Variants in PTPRM observed in about 807,000 individuals in gnomAD.
PTPRM encodes receptor-type tyrosine-protein phosphatase mu.
A neutral mutation model predicts 186.7 loss-of-function variants in PTPRM; 47 were observed. That is an observed-to-expected ratio of 0.25 (90% CI 0.20 to 0.32). PTPRM has a LOEUF of 0.32. PTPRM is among the 10% of genes least tolerant of loss of function. PTPRM has a pLI of 1.00. For synonymous variants in PTPRM, 668 were observed against 674.9 expected, an observed-to-expected ratio of 0.99 and a Z score of 0.16; for missense variants, 1,494 against 1,865.0, an observed-to-expected ratio of 0.80 and a Z score of 3.66.
intron 2 of PTPRM, among the ~76,000 whole-genome samples, chr18:7,796,818 T>G (rs1305842317): frequency 6.6e-6 from 1 of 152,228 alleles, no homozygotes; most frequent in Admixed American, 6.5e-5. Flanking sequence ...CTTTGTCCAG[T>G]GGTGCACTGA....
intron 20 of PTPRM, among the ~76,000 whole-genome samples, chr18:8,304,823 T>TTA (rs1491079830): frequency 2.5e-3 from 4 of 1,596 alleles, no homozygotes; most frequent in African/African-American, 3.9e-3. Context: ...TTGACTTTAT[T>TTA]TTTTTTTTTT....
At chr18:7,807,961 T>C (rs1276826403) in intron 2 of PTPRM, among the ~76,000 whole-genome samples, 1 of 152,154 alleles carries the variant, frequency 6.6e-6, no homozygotes, top group Non-Finnish European at 1.5e-5. Flanking sequence ...GATTCGTGGC[T>C]CTTTTTTTCT....
At chr18:8,091,019 CCTCA>C (rs1349836029) in intron 11 of PTPRM, among the ~76,000 whole-genome samples, 1 of 152,154 alleles carries the variant, frequency 6.6e-6, no homozygotes, top group Non-Finnish European at 1.5e-5. Context: ...CTAGCATATG[CCTCA>C]CTAAGACATT....
At chr18:8,218,642 G>A (rs927946948) in intron 14 of PTPRM, among the ~76,000 whole-genome samples, 7 of 152,196 alleles carry the variant, frequency 4.6e-5, no homozygotes, top group African/African-American at 1.4e-4. Flanking sequence ...AAAGGAAAGA[G>A]ATTTTTTGAT....
chr18:7,747,844 G>A (rs185376471), intron 1 of PTPRM, among the ~76,000 whole-genome samples: 3 of 152,264 alleles, frequency 2.0e-5, no homozygotes, highest in African/African-American at 7.2e-5. Flanking sequence ...AATCTGGGGG[G>A]ATGAAATGAG....
chr18:8,256,032 T>C (rs1263960414), intron 19 of PTPRM, among the ~76,000 whole-genome samples: 1 of 152,356 alleles, frequency 6.6e-6, no homozygotes, highest in Middle Eastern at 3.4e-3. Flanking sequence ...GAGGTGTTAT[T>C]CTCATGAGAA....
rs143783295 is a variant in PTPRM, at chr18:7,723,950, T to C, written c.74-50199T>C. On this transcript the variant is annotated intron_variant, in intron 1 of 32. Transcript: ENST00000580170. ...ATCTTTCAGTGATTGAAATTGAAAT[T>C]AGTGTTCTGTGCCTCCAGGCCCTGC... 1.1e-3 allele frequency among the ~76,000 whole-genome samples: 161 copies of C among 152,312 alleles called. 4 individuals are homozygous for C. In the East Asian group the frequency reaches 0.016, roughly 15 times the overall value.
At chr18:8,286,769 T>C (rs1255992441) in intron 19 of PTPRM, among the ~76,000 whole-genome samples, 1 of 152,200 alleles carries the variant, frequency 6.6e-6, no homozygotes, top group African/African-American at 2.4e-5. Context: ...AAGATATTTC[T>C]AACCTTATTT....
At chr18:7,837,406 G>A (rs920424078) in intron 2 of PTPRM, among the ~76,000 whole-genome samples, 2 of 151,986 alleles carry the variant, frequency 1.3e-5, no homozygotes, top group African/African-American at 4.8e-5. Flanking sequence ...ATAGAATTCT[G>A]AATTCCTTCT....
chr18:8,386,483 A>G (rs1240612376), intron 30 of PTPRM, among the ~76,000 whole-genome samples: 2 of 152,212 alleles, frequency 1.3e-5, no homozygotes, highest in Non-Finnish European at 2.9e-5. Flanking sequence ...GCTGAAGGCC[A>G]CAGAAGATAC....
chr18:8,055,532 G>A (rs1254274362), intron 7 of PTPRM, among the ~76,000 whole-genome samples: 7 of 152,136 alleles, frequency 4.6e-5, no homozygotes, highest in African/African-American at 1.2e-4. Context: ...TTTCAGTGAC[G>A]TATTACATGT....
chr18:8,176,498 A>T (rs571884152), intron 14 of PTPRM, among the ~76,000 whole-genome samples: 1 of 152,322 alleles, frequency 6.6e-6, no homozygotes, highest in East Asian at 1.9e-4. Flanking sequence ...AAATATATGT[A>T]TACATATGTA....
At chr18:8,335,422 G>A (rs1368551077) in intron 22 of PTPRM, among the ~76,000 whole-genome samples, 1 of 152,144 alleles carries the variant, frequency 6.6e-6, no homozygotes, top group Non-Finnish European at 1.5e-5. Flanking sequence ...TTTTCTTCTT[G>A]TGTATCCCCA....
In PTPRM at chr18:7,568,405, C is replaced by T. The variant is rs939851832; in HGVS notation, c.73+514C>T. Among the ~76,000 whole-genome samples, 4 of 151,846 alleles carry T rather than the reference C, an allele frequency of 2.6e-5. No homozygotes were observed. The highest frequency in any genetic ancestry group is 9.7e-5 in the African/African-American group (4 of 41,400). On this transcript the variant is annotated intron_variant, in intron 1 of 32. Transcript: ENST00000580170. This position sits in a 1 kb window ranked among gnomAD's most constrained non-coding sequence, Gnocchi z 5.1. ...CCGGCGGCGGCGATCTCCCGGTGCC[C>T]TGCCCTCCCTGTCGCCCCCTGCCCG...
intron 7 of PTPRM, among the ~76,000 whole-genome samples, chr18:8,035,641 G>A (rs1432286352): frequency 6.6e-6 from 1 of 151,426 alleles, no homozygotes; most frequent in African/African-American, 2.5e-5. Flanking sequence ...TTGCAGATAC[G>A]GAGGGCTGAC....
intron 4 of PTPRM, among the ~76,000 whole-genome samples, chr18:7,914,565 T>C (rs1407586754): frequency 6.6e-6 from 1 of 152,148 alleles, no homozygotes; most frequent in Non-Finnish European, 1.5e-5. Context: ...AATGTACATA[T>C]AGAATTTATC....
intron 4 of PTPRM, among the ~76,000 whole-genome samples, chr18:7,925,763 T>C (rs2051139304): frequency 6.6e-6 from 1 of 152,226 alleles, no homozygotes. Flanking sequence ...GGAAATGTTT[T>C]CCTAAAAGTA....
intron 14 of PTPRM, among the ~76,000 whole-genome samples, chr18:8,169,550 A>AAT (rs1214841405): frequency 6.6e-6 from 1 of 152,134 alleles, no homozygotes; most frequent in South Asian, 2.1e-4. Context: ...CATAGAAACA[A>AAT]CATTATCAGT....
chr18:7,882,386 T>G (rs958070123), intron 2 of PTPRM, among the ~76,000 whole-genome samples: 2 of 152,180 alleles, frequency 1.3e-5, no homozygotes, highest in Non-Finnish European at 2.9e-5. Flanking sequence ...GTGAACTGAA[T>G]TGTTCTAACT....
Sources: gnomAD v4.1 joint callset for allele counts (sites outside exome capture counted in the v4.1 genomes callset) on GRCh38, gnomAD v4.1.1 for gene constraint, Gnocchi (gnomAD v3.1) non-coding constraint, MANE v1.5 for transcripts, NCBI Gene and HGNC (gene_info 2026-07-23, HGNC 2026-07-21) for gene names.